REEP3: variants seen among roughly 807,000 people sequenced by gnomAD.
REEP3 encodes receptor accessory protein 3.
Under a neutral mutation model 41.3 loss-of-function variants are expected in REEP3, and 20 were observed. The observed-to-expected ratio is 0.48, with a 90% CI of 0.34 to 0.70. The LOEUF (loss-of-function observed/expected upper bound fraction) is 0.70. Among genes scored for constraint, REEP3 ranks in the 30% least tolerant of loss-of-function variants. The pLI is 0.01. For synonymous variants in REEP3, 104 were observed against 101.8 expected (o/e 1.02, Z -0.13); for missense variants, 271 against 308.8 (o/e 0.88, Z 0.92).
At chr10:63,525,302 G>A (rs1292608571) in intron 1 of REEP3, among the ~76,000 whole-genome samples, 1 of 152,118 alleles carries the variant, frequency 6.6e-6, no homozygotes, top group Non-Finnish European at 1.5e-5. Context: ...CCTGATAACC[G>A]CCAAGCTCTT....
chr10:63,556,614 GTTTTTTTT>G (rs77925970), intron 1 of REEP3, among the ~76,000 whole-genome samples: 6 of 12,868 alleles, frequency 4.7e-4, no homozygotes, highest in Non-Finnish European at 1.8e-3. Flanking sequence ...CTGTTTGCTT[GTTTTTTTT>G]TTTGTTGTTT....
At chr10:63,524,355 T>A (rs567962265) in intron 1 of REEP3, among the ~76,000 whole-genome samples, 6 of 152,126 alleles carry the variant, frequency 3.9e-5, no homozygotes, top group African/African-American at 1.4e-4. Flanking sequence ...GGAACCTCCA[T>A]AACCAAAGCA....
At chr10:63,544,553 C>T (rs1955558909) in intron 1 of REEP3, among the ~76,000 whole-genome samples, 1 of 151,938 alleles carries the variant, frequency 6.6e-6, no homozygotes, top group Non-Finnish European at 1.5e-5. Flanking sequence ...AGGTGTCAAA[C>T]ATGAGAGGAA....
chr10:63,616,048 C>G lies in REEP3; in HGVS notation c.566-3607C>G, dbSNP rs976849951. ...ACAAAACCCAACTCTAATCATGTTA[C>G]TCTTCTGCTTAAAACATTTCAATAC... On this transcript the variant is annotated intron_variant, in intron 6 of 7. Coordinates refer to ENST00000373758, the MANE Select transcript of REEP3 (RefSeq NM_001001330.3). Among the ~76,000 whole-genome samples, 8 of 152,284 alleles carry G rather than the reference C, an allele frequency of 5.3e-5. No homozygotes were observed. The East Asian group carries it at 5.8e-4, about 11-fold the overall frequency.
intron 7 of REEP3, 36 bp from the exon 8 acceptor site, chr10:63,620,777 A>G (rs754143189): frequency 7.1e-7 from 1 of 1,409,222 alleles, no homozygotes; most frequent in Non-Finnish European, 9.8e-7. Flanking sequence ...TAAAGTAATC[A>G]TCTAATTCTT....
chr10:63,585,023 A>G (rs1362408821), intron 2 of REEP3, among the ~76,000 whole-genome samples: 1 of 152,210 alleles, frequency 6.6e-6, no homozygotes, highest in Non-Finnish European at 1.5e-5. Flanking sequence ...CATAATTCAA[A>G]GAGTCTGTAA....
intron 1 of REEP3, among the ~76,000 whole-genome samples, chr10:63,529,775 GAT>G (rs1225885491): frequency 9.6e-5 from 13 of 136,018 alleles, no homozygotes; most frequent in Admixed American, 9.3e-4. Context: ...CCATGAATGT[GAT>G]TCTTTTTTTT....
Position 63,619,686 on chromosome 10 carries a change from G to C in REEP3, c.597G>C (p.Glu199Asp). 1 of 1,604,356 alleles carries C rather than the reference G, an allele frequency of 6.2e-7. No homozygotes were observed. The highest frequency in any genetic ancestry group is 8.5e-7 in the Non-Finnish European group (1 of 1,175,322). Residue 199 changes from glutamate to aspartate, a missense_variant, in exon 7 of 8, where the codon GAG (glutamate) becomes GAC (aspartate). Coordinates refer to ENST00000373758, the MANE Select transcript of REEP3 (RefSeq NM_001001330.3). The part of the protein sequence containing the change: ...GYGIPLKDGD[E>D]KTDEEAEGPY... ...GAATTCCACTGAAAGACGGAGATGA[G>C]AAAACAGATGAAGAAGCAGAGGGGC...
At chr10:63,564,350 C>T (rs568641383) in intron 1 of REEP3, among the ~76,000 whole-genome samples, 2 of 152,198 alleles carry the variant, frequency 1.3e-5, no homozygotes, top group African/African-American at 4.8e-5. Flanking sequence ...AGGCCAGATG[C>T]TGTGGCTTGT....
chr10:63,575,415 A>T (rs1224052881), intron 2 of REEP3, among the ~76,000 whole-genome samples: 3 of 152,146 alleles, frequency 2.0e-5, no homozygotes, highest in South Asian at 2.1e-4. Flanking sequence ...GTCCCTTTTA[A>T]TCTGGGAATC....
At chr10:63,523,537 G>A (rs146079490) in intron 1 of REEP3, among the ~76,000 whole-genome samples, 49 of 152,336 alleles carry the variant, frequency 3.2e-4, no homozygotes, top group African/African-American at 1.2e-3. Flanking sequence ...CTCAGGGACT[G>A]AGGTAGGAGG....
intron 1 of REEP3, among the ~76,000 whole-genome samples, chr10:63,548,632 T>G (rs1242546120): frequency 6.6e-6 from 1 of 152,150 alleles, no homozygotes; most frequent in Non-Finnish European, 1.5e-5. Context: ...TTGTCCTTTT[T>G]TAGAACAAAG....
chr10:63,604,431 A>G (rs1314837523), intron 5 of REEP3, among the ~76,000 whole-genome samples: 1 of 152,236 alleles, frequency 6.6e-6, no homozygotes, highest in African/African-American at 2.4e-5. Flanking sequence ...TAGTTGTATT[A>G]ACCATGTCTT....
At chr10:63,550,764 G>C (rs1955621748) in intron 1 of REEP3, among the ~76,000 whole-genome samples, 1 of 152,048 alleles carries the variant, frequency 6.6e-6, no homozygotes, top group African/African-American at 2.4e-5. Flanking sequence ...AGGATGTCAA[G>C]GCTAAGGACC....
At chr10:63,607,620 A>T (rs1276594339) in intron 5 of REEP3, among the ~76,000 whole-genome samples, 1 of 152,316 alleles carries the variant, frequency 6.6e-6, no homozygotes, top group African/African-American at 2.4e-5. Context: ...GAGTAATGAA[A>T]AAGAAGGGAC....
At chr10:63,603,687 C>A (rs1956196758) in intron 5 of REEP3, among the ~76,000 whole-genome samples, 1 of 152,086 alleles carries the variant, frequency 6.6e-6, no homozygotes, top group African/African-American at 2.4e-5. Flanking sequence ...CCATAACATC[C>A]CTGTATGTAA....
intron 1 of REEP3, among the ~76,000 whole-genome samples, chr10:63,533,725 T>TTTTTTTTTTTTTTTTTTTTTTTG (rs1589857082): frequency 7.0e-6 from 1 of 143,684 alleles, no homozygotes. Context: ...TTTTTTTTTT[T>TTTTTTTTTTTTTTTTTTTTTTTG]GAGACGGAGT....
rs186785553 is a variant in REEP3, at chr10:63,577,194, G to A, written c.105+10784G>A. ...TACTAGGAGAATAAGGCTTGGGGGCGCTCAACATTCAGTTTATAAACTTTT... is the reference window on the plus strand; with the variant it reads ...TACTAGGAGAATAAGGCTTGGGGGCACTCAACATTCAGTTTATAAACTTTT... On this transcript the variant is annotated intron_variant, in intron 2 of 7. Coordinates refer to ENST00000373758, the MANE Select transcript of REEP3 (RefSeq NM_001001330.3). Among the ~76,000 whole-genome samples, 168 of 152,230 alleles carry A rather than the reference G, an allele frequency of 1.1e-3. 3 individuals are homozygous for A. Among genetic ancestry groups the A allele is most frequent in the East Asian group, 8.9e-3 (46 of 5,184 alleles).
At chr10:63,609,468 A>AG (rs1564492077) in intron 5 of REEP3, among the ~76,000 whole-genome samples, 1 of 149,164 alleles carries the variant, frequency 6.7e-6, no homozygotes, top group Non-Finnish European at 1.5e-5. Flanking sequence ...AAAAAAAAAA[A>AG]GTTGCCCTTG....
Sources: allele counts gnomAD v4.1 joint callset (sites outside exome capture counted in the v4.1 genomes callset), GRCh38; gene constraint gnomAD v4.1.1; transcripts MANE v1.5; gene names NCBI Gene and HGNC (gene_info 2026-07-23, HGNC 2026-07-21).